Variants in CPQ observed in about 807,000 individuals in gnomAD.
CPQ encodes the protein Ser-Met dipeptidase.
In CPQ, 37 loss-of-function variants were observed where a neutral mutation model predicts 45.7. The observed-to-expected ratio is 0.81, with a 90% CI of 0.62 to 1.07. CPQ has a LOEUF of 1.07. CPQ is among the 50% of genes least tolerant of loss of function. The probability of loss-of-function intolerance (pLI) is 0.00; values close to 1 mark genes in which losing one functional copy is unlikely to be tolerated. For synonymous variants in CPQ, 186 were observed against 205.8 expected, an observed-to-expected ratio of 0.90 and a Z score of 0.82; for missense variants, 537 against 572.9, an observed-to-expected ratio of 0.94 and a Z score of 0.64.
At chr8:96,937,120 A>G (rs1036237588) in intron 4 of CPQ, among the ~76,000 whole-genome samples, 1 of 152,064 alleles carries the variant, frequency 6.6e-6, no homozygotes, top group Non-Finnish European at 1.5e-5. Context: ...AAAAGCTTAC[A>G]GTTTTTTGAG....
At chr8:96,950,859 G>A (rs1813253631) in intron 4 of CPQ, among the ~76,000 whole-genome samples, 1 of 152,098 alleles carries the variant, frequency 6.6e-6, no homozygotes, top group South Asian at 2.1e-4. Flanking sequence ...AAAAGAGGGA[G>A]CGCAGAGAGC....
chr8:96,683,271 C>T (rs770442337), intron 1 of CPQ, among the ~76,000 whole-genome samples: 1 of 152,050 alleles, frequency 6.6e-6, no homozygotes, highest in Non-Finnish European at 1.5e-5. Flanking sequence ...TTCTGAAGGA[C>T]AGATTTGCTA....
In CPQ at chr8:97,066,107, C is replaced by G; in HGVS notation, c.1152C>G (p.Ile384Met). 3.1e-6 allele frequency: 5 copies of G among 1,612,490 alleles called. No homozygotes were observed. The highest frequency in any genetic ancestry group is 1.7e-5 in the Admixed American group (1 of 59,832). ...QFTGSEKARA[I>M]MEEVMSLLQP... ...CTGGCAGTGAAAAGGCCAGGGCCAT[C>G]ATGGAGGAGGTTATGAGCCTGCTGC... The change falls in exon 7 of 8, where the codon ATC becomes ATG. Residue 384 changes from isoleucine (I) to methionine (M), a missense_variant. Coordinates refer to ENST00000220763, the MANE Select transcript of CPQ (RefSeq NM_016134.4).
At chr8:96,949,973 G>A (rs1225023479) in intron 4 of CPQ, among the ~76,000 whole-genome samples, 4 of 152,020 alleles carry the variant, frequency 2.6e-5, no homozygotes, top group South Asian at 2.1e-4. Flanking sequence ...TAATTATCAC[G>A]TTTGGAATAG....
intron 4 of CPQ, among the ~76,000 whole-genome samples, chr8:96,907,109 G>A (rs892050054): frequency 6.6e-6 from 1 of 152,116 alleles, no homozygotes; most frequent in Admixed American, 6.5e-5. Context: ...GTACTAATTA[G>A]GGTAAAGTAT....
Position 96,719,029 on chromosome 8 carries a change from A to G in CPQ, c.-34-65835A>G, listed in dbSNP as rs370606146. Among the ~76,000 whole-genome samples the G allele has an allele frequency of 2.0e-5, 3 of 152,250 alleles. No individual in the cohort carries two copies. In the South Asian group the frequency reaches 6.2e-4, roughly 31 times the overall value. ...AGAAGCCCAGCTGGCTTCACCCAGTAGATCCCGCACCGGGGCTGCAGGTGG... is the reference window on the plus strand; with the variant it reads ...AGAAGCCCAGCTGGCTTCACCCAGTGGATCCCGCACCGGGGCTGCAGGTGG... On this transcript the variant is annotated intron_variant, in intron 1 of 7. Coordinates refer to ENST00000220763, the MANE Select transcript of CPQ (RefSeq NM_016134.4).
chr8:97,088,627 C>A lies in CPQ; in HGVS notation c.1255+22417C>A, dbSNP rs577969366. ...AATTGATATTTAAATGCTACAGTAG[C>A]TGAGGCTAATGTTTCTCTTAGGAGC... On this transcript the variant is annotated intron_variant, in intron 7 of 7. Coordinates refer to ENST00000220763, the MANE Select transcript of CPQ (RefSeq NM_016134.4). Among the ~76,000 whole-genome samples, 3 of 152,304 alleles carry A rather than the reference C, an allele frequency of 2.0e-5. No homozygotes were observed. In the East Asian group the frequency reaches 5.8e-4, roughly 29 times the overall value.
At chr8:96,737,789 A>ATAAGAATTTC (rs968283696) in intron 1 of CPQ, among the ~76,000 whole-genome samples, 2 of 150,680 alleles carry the variant, frequency 1.3e-5, no homozygotes, top group African/African-American at 4.9e-5. Context: ...CTTGTTTCTT[A>ATAAGAATTTC]TTATAAGTAT....
chr8:96,767,291 A>G (rs74919318), intron 1 of CPQ, among the ~76,000 whole-genome samples: 6,425 of 152,242 alleles, frequency 0.042, 179 homozygotes, highest in Middle Eastern at 0.099. Context: ...CTCATTTCCC[A>G]TAACAGCGAC....
intron 4 of CPQ, among the ~76,000 whole-genome samples, chr8:96,905,509 G>C: frequency 6.6e-6 from 1 of 152,132 alleles, no homozygotes; most frequent in East Asian, 1.9e-4. Context: ...ATTACAGCTG[G>C]TGCCCATCTG....
chr8:96,835,406 A>G (rs1173902838), intron 3 of CPQ, among the ~76,000 whole-genome samples: 1 of 152,188 alleles, frequency 6.6e-6, no homozygotes, highest in East Asian at 1.9e-4. Flanking sequence ...AAAAGCTTTA[A>G]GGCTTTTCAC....
At chr8:96,785,642 A>G (rs1810758703) in intron 2 of CPQ, among the ~76,000 whole-genome samples, 1 of 152,192 alleles carries the variant, frequency 6.6e-6, no homozygotes, top group African/African-American at 2.4e-5. Context: ...TGAAATATAC[A>G]TAAACAGGAT....
chr8:96,837,366 G>A (rs1360095527), intron 3 of CPQ, among the ~76,000 whole-genome samples: 1 of 152,096 alleles, frequency 6.6e-6, no homozygotes, highest in African/African-American at 2.4e-5. Context: ...GCAAATAACT[G>A]CCTACGTGTC....
intron 1 of CPQ, among the ~76,000 whole-genome samples, chr8:96,779,323 A>C (rs1327276669): frequency 6.6e-6 from 1 of 151,972 alleles, no homozygotes; most frequent in Non-Finnish European, 1.5e-5. Flanking sequence ...ATGGTACTCT[A>C]TGCATGAGAA....
chr8:96,872,448 G>T (rs1354210857), intron 3 of CPQ, among the ~76,000 whole-genome samples: 2 of 151,836 alleles, frequency 1.3e-5, no homozygotes, highest in Non-Finnish European at 2.9e-5. Context: ...TACGGTACCA[G>T]ATTTTTATTA....
At chr8:96,645,987 C>T (rs1436721415) in intron 1 of CPQ, among the ~76,000 whole-genome samples, 2 of 149,438 alleles carry the variant, frequency 1.3e-5, no homozygotes, top group East Asian at 2.0e-4. Flanking sequence ...TGCCGTAGAA[C>T]TGAGTGAATT....
In CPQ at chr8:96,673,262, C is replaced by G. The variant is rs140070175; in HGVS notation, c.-35+27860C>G. On this transcript the variant is annotated intron_variant, in intron 1 of 7. Coordinates refer to ENST00000220763, the MANE Select transcript of CPQ (RefSeq NM_016134.4). ...CAGAATGAGAGTGGACTTGGGCAAGCAGCTCAGGAGCAGTGGTTACAGAAT... is the reference window on the plus strand; with the variant it reads ...CAGAATGAGAGTGGACTTGGGCAAGGAGCTCAGGAGCAGTGGTTACAGAAT... Among the ~76,000 whole-genome samples the G allele has an allele frequency of 2.2e-3, 339 of 152,292 alleles. 3 individuals carry two copies. Among genetic ancestry groups the G allele is most frequent in the African/African-American group, 7.8e-3 (323 of 41,560 alleles).
At chr8:96,988,381 A>C (rs1354914808) in intron 5 of CPQ, among the ~76,000 whole-genome samples, 2 of 152,190 alleles carry the variant, frequency 1.3e-5, no homozygotes, top group Non-Finnish European at 2.9e-5. Context: ...TCTACTACAT[A>C]CATATTCGGA....
chr8:96,784,832 C>A (rs575239324), intron 1 of CPQ, 32 bp from the exon 2 acceptor site: 235 of 1,466,270 alleles, frequency 1.6e-4, no homozygotes, highest in Middle Eastern at 6.7e-4. Flanking sequence ...AGATTCTTTT[C>A]CCCTAAAACA....
Sources: allele counts gnomAD v4.1 joint callset (sites outside exome capture counted in the v4.1 genomes callset), GRCh38; gene constraint gnomAD v4.1.1; transcripts MANE v1.5; gene names NCBI Gene and HGNC (gene_info 2026-07-23, HGNC 2026-07-21).